ELFN2: variants seen among roughly 807,000 people sequenced by gnomAD.
ELFN2 encodes protein phosphatase 1 regulatory subunit 29.
A neutral mutation model predicts 45.5 loss-of-function variants in ELFN2; 17 were observed. The ratio of observed to expected loss-of-function variants is 0.37; its 90% CI spans 0.26 to 0.56. The LOEUF is 0.56. Ranked by LOEUF, ELFN2 falls within the 20% of genes least tolerant of loss-of-function variation. The probability of loss-of-function intolerance (pLI) is 0.77; values close to 1 mark genes in which losing one functional copy is unlikely to be tolerated. For synonymous variants in ELFN2, 550 were observed against 551.5 expected, an observed-to-expected ratio of 1.00 and a Z score of 0.04; for missense variants, 922 against 1,183.2, an observed-to-expected ratio of 0.78 and a Z score of 3.24.
chr22:37,380,373 T>C (rs150256687), intron 2 of ELFN2, among the ~76,000 whole-genome samples: 227 of 152,152 alleles, frequency 1.5e-3, no homozygotes, highest in Admixed American at 4.0e-3. Context: ...ACCACCCAGC[T>C]CCAGAGTTCC....
At position 37,350,398 on chromosome 22, in the gene ELFN2, G is replaced by A. The variant is rs138163896; in HGVS notation, n.149-7695C>T. Among the ~76,000 whole-genome samples, 1,447 of 150,566 alleles carry A rather than the reference G, an allele frequency of 9.6e-3. 103 individuals are homozygous for A. Among genetic ancestry groups the A allele is most frequent in the Non-Finnish European group, 0.015 (1,029 of 67,032 alleles). On this transcript the variant is annotated intron_variant and non_coding_transcript_variant, in intron 1 of 2. Coordinates refer to ENST00000452946, the Ensembl canonical transcript of ELFN2. The stretch of plus-strand genomic sequence containing the variant: ...TGCAGCTGACTGAGCAGACACTGTC[G>A]GGCGGCTGCAGGGGACTCGGTGGCC...
chr22:37,396,426 T>C (rs1261287972), intron 2 of ELFN2, among the ~76,000 whole-genome samples: 1 of 152,176 alleles, frequency 6.6e-6, no homozygotes, highest in Non-Finnish European at 1.5e-5. Flanking sequence ...AGCGCACTCA[T>C]TTCCAAACCC....
intron 2 of ELFN2, among the ~76,000 whole-genome samples, chr22:37,410,628 C>T (rs1053451914): frequency 6.6e-6 from 1 of 152,152 alleles, no homozygotes; most frequent in African/African-American, 2.4e-5. Flanking sequence ...TGGAGAGGGA[C>T]GAGCCGGGCA....
At chr22:37,363,985 G>T (rs936357974), downstream of ELFN2, among the ~76,000 whole-genome samples, 2 of 152,004 alleles carry the variant, frequency 1.3e-5, no homozygotes, top group Non-Finnish European at 2.9e-5. Flanking sequence ...GGGCCAACCA[G>T]TTCCCCATGT....
chr22:37,394,560 G>A (rs936173349), intron 2 of ELFN2, among the ~76,000 whole-genome samples: 2 of 152,176 alleles, frequency 1.3e-5, no homozygotes, highest in African/African-American at 4.8e-5. Flanking sequence ...CCGTCAGGGG[G>A]CCGCAGTGGC....
At chr22:37,359,212 T>C (rs1931022099) in intron 1 of ELFN2, among the ~76,000 whole-genome samples, 1 of 152,144 alleles carries the variant, frequency 6.6e-6, no homozygotes, top group Non-Finnish European at 1.5e-5. Context: ...AACGCAATCA[T>C]CTGGTCCAAA....
At position 37,351,442 on chromosome 22, in the gene ELFN2, C is replaced by T. The variant is rs1156516027; in HGVS notation, n.149-8739G>A. ...CTTCTCCACCTCCCTCACCTCTCCT[C>T]GAGTGACAGGTGCTGGGTGCTGGCA... On this transcript the variant is annotated intron_variant and non_coding_transcript_variant, in intron 1 of 2. Coordinates refer to ENST00000452946, the Ensembl canonical transcript of ELFN2. Among the ~76,000 whole-genome samples, 2 of 150,298 alleles carry T rather than the reference C, an allele frequency of 1.3e-5. 1 individual carries two copies. Among genetic ancestry groups the T allele is most frequent in the Non-Finnish European group, 3.0e-5 (2 of 66,908 alleles).
chr22:37,348,984 T>C (rs1275549577), intron 1 of ELFN2, among the ~76,000 whole-genome samples: 1 of 151,070 alleles, frequency 6.6e-6, no homozygotes, highest in Non-Finnish European at 1.5e-5. Context: ...TGGTTTCCCA[T>C]CTGCTGAGCG....
In ELFN2 at chr22:37,344,085, A is replaced by T. The variant is rs918434276; in HGVS notation, n.149-1382T>A. On this transcript the variant is annotated intron_variant and non_coding_transcript_variant, in intron 1 of 2. Coordinates refer to ENST00000452946, the Ensembl canonical transcript of ELFN2. The stretch of plus-strand genomic sequence containing the variant: ...TGCCCCCACCCATGCCCCCTGCCCA[A>T]CCCCACCTGCCCATGGCCCCCTGCC... Among the ~76,000 whole-genome samples, 94 of 22,376 alleles carry T rather than the reference A, an allele frequency of 4.2e-3. 1 individual carries two copies. Among genetic ancestry groups the T allele is most frequent in the African/African-American group, 0.015 (84 of 5,604 alleles). 14.7% of individuals were successfully genotyped at this position (22,376 alleles called of 152,430 possible). A position where few individuals can be genotyped will look rare whatever the true frequency, so the allele number is the denominator to read the frequency against.
At chr22:37,353,185 T>C (rs564432846) in intron 1 of ELFN2, 1 of 151,156 alleles carries the variant, frequency 6.6e-6, no homozygotes, top group East Asian at 1.9e-4. Flanking sequence ...CATCCAGTCG[T>C]CAGCACGGGT....
chr22:37,404,214 G>A (rs1284210604), intron 2 of ELFN2, among the ~76,000 whole-genome samples: 1 of 152,238 alleles, frequency 6.6e-6, no homozygotes, highest in African/African-American at 2.4e-5. Flanking sequence ...GACATGCTGG[G>A]GGGGTGACAC....
At chr22:37,398,293 C>A (rs1932271624) in intron 2 of ELFN2, among the ~76,000 whole-genome samples, 1 of 152,146 alleles carries the variant, frequency 6.6e-6, no homozygotes, top group Non-Finnish European at 1.5e-5. Flanking sequence ...TCAAAGGCCC[C>A]TGAATATACT....
chr22:37,345,324 A>G (rs912899748), intron 1 of ELFN2, among the ~76,000 whole-genome samples: 3 of 152,298 alleles, frequency 2.0e-5, no homozygotes, highest in East Asian at 1.9e-4. Context: ...AGTGGTATAC[A>G]GGCTTTGGAC....
rs1300205460 is a variant in ELFN2 at position 37,375,234 on chromosome 22, C to T, written c.301G>A (p.Gly101Ser). The part of the protein sequence containing the change: ...ISYIEDGAFL[G>S]QSSLQVLQLG... ...TGCAGGACCTGCAGGCTCGACTGGCCCAGGAAGGCACCGTCCTCGATGTAG... is the reference window on the plus strand; with the variant it reads ...TGCAGGACCTGCAGGCTCGACTGGCTCAGGAAGGCACCGTCCTCGATGTAG... The change falls in exon 3 of 3, where the codon GGC becomes AGC. Residue 101 changes from glycine to serine, a missense_variant. By Grantham distance (56) the Gly-to-Ser change is moderately conservative. Around this residue, in one of 2 missense-constraint regions of ELFN2, gnomAD observed 358 missense variants for 540.4 expected, o/e 0.66. Transcript: ENST00000402918. 1 of 1,614,082 alleles carries T rather than the reference C, an allele frequency of 6.2e-7. No homozygotes were observed. The highest frequency in any genetic ancestry group is 8.5e-7 in the Non-Finnish European group (1 of 1,180,028).
At chr22:37,360,247 G>A (rs1182847694) in intron 1 of ELFN2, among the ~76,000 whole-genome samples, 4 of 152,204 alleles carry the variant, frequency 2.6e-5, no homozygotes, top group Non-Finnish European at 5.9e-5. Context: ...TATGGGTGTA[G>A]AGGCAGCCAG....
chr22:37,369,671 T>C lies in ELFN2; in HGVS notation c.*3401A>G, dbSNP rs1366304864. On this transcript the variant is annotated 3_prime_UTR_variant, in exon 3 of 3. Coordinates refer to ENST00000402918, the MANE Select transcript of ELFN2 (RefSeq NM_052906.5). ...GCCCTCCCAGGAAGGAGCAGACCCA[T>C]TGTGCTACTTCCCAGAAACAGCTTC... 6.6e-6 allele frequency: 1 copy of C among 152,322 alleles called. No homozygotes were observed. Among genetic ancestry groups the C allele is most frequent in the African/African-American group, 2.4e-5 (1 of 41,462 alleles). The allele number at this position is 152,322 out of a possible 1,614,324, so 9.4% of individuals were successfully genotyped here.
In ELFN2 at chr22:37,372,861, TC is replaced by T; in HGVS notation, c.*210del. On this transcript the variant is annotated 3_prime_UTR_variant, in exon 3 of 3. Coordinates refer to ENST00000402918, the MANE Select transcript of ELFN2 (RefSeq NM_052906.5). The surrounding 1 kb of genome is among the most constrained non-coding windows in gnomAD (Gnocchi z 4.4). ...TTGTAAACTTTAAGGAAAATGTGTC[TC>T]TGTTTTCCTGTCCGTTATTGTCGGA... The T allele has an allele frequency of 1.7e-6, 1 of 577,932 alleles. No individual in the cohort carries two copies. The highest frequency in any genetic ancestry group is 2.4e-5 in the South Asian group (1 of 42,384). The allele number at this position is 577,932 out of a possible 1,614,324, so 35.8% of individuals were successfully genotyped here.
intron 2 of ELFN2, among the ~76,000 whole-genome samples, chr22:37,383,810 A>G (rs571706396): frequency 3.9e-5 from 6 of 152,228 alleles, no homozygotes; most frequent in South Asian, 2.1e-4. Flanking sequence ...AACAGCTGAC[A>G]GCCAAGGCGT....
intron 2 of ELFN2, among the ~76,000 whole-genome samples, chr22:37,376,637 C>T (rs1377605148): frequency 1.3e-5 from 2 of 152,142 alleles, no homozygotes; most frequent in South Asian, 2.1e-4. Flanking sequence ...AGCAGAATAT[C>T]GCAGCTGTGG....
Sources: allele counts gnomAD v4.1 joint callset (sites outside exome capture counted in the v4.1 genomes callset), GRCh38; gene constraint gnomAD v4.1.1; regional missense constraint gnomAD v4.1.1; non-coding constraint Gnocchi (gnomAD v3.1); transcripts MANE v1.5; gene names NCBI Gene and HGNC (gene_info 2026-07-23, HGNC 2026-07-21).